The following RORB variants were observed in gnomAD, a reference collection of about 807,000 sequenced individuals.
RORB encodes RAR related orphan receptor B.
In RORB, 6 loss-of-function variants were observed where a neutral mutation model predicts 59.1. The ratio of observed to expected loss-of-function variants is 0.10; its 90% CI spans 0.06 to 0.20. RORB has a LOEUF of 0.20. Among genes scored for constraint, RORB ranks in the 10% least tolerant of loss-of-function variants. The pLI is 1.00. For synonymous variants in RORB, 215 were observed against 204.5 expected, an observed-to-expected ratio of 1.05 and a Z score of -0.44; for missense variants, 320 against 560.5, an observed-to-expected ratio of 0.57 and a Z score of 4.33.
At chr9:74,550,976 G>T (rs1037300046) in intron 1 of RORB, among the ~76,000 whole-genome samples, 7 of 151,804 alleles carry the variant, frequency 4.6e-5, no homozygotes, top group Admixed American at 2.6e-4. Flanking sequence ...AGATATATTG[G>T]ATTAACTAAA....
chr9:74,687,227 G>A lies in RORB; in HGVS notation c.*1609G>A, dbSNP rs1002132208. The A allele has an allele frequency of 2.6e-5, 4 of 151,938 alleles. No homozygotes were observed. The allele number at this position is 151,938 out of a possible 1,614,324, so 9.4% of individuals were successfully genotyped here. The stretch of plus-strand genomic sequence containing the variant: ...GAGAGAAGTTTGTGTATAAGACAAT[G>A]AAAATTATGGTCTCCTGTAAGTATA... On this transcript the variant is annotated 3_prime_UTR_variant, in exon 10 of 10. Coordinates refer to ENST00000376896, the MANE Select transcript of RORB (RefSeq NM_006914.4).
rs1273227119 is a variant in RORB at position 74,660,605 on chromosome 9, C to G, written c.638-12C>G. The stretch of plus-strand genomic sequence containing the variant: ...TATTCACAAACCTTTGAATTGATAT[C>G]TTTTCTCACAGACCGAATTGCACAG... On this transcript the variant is annotated splice_polypyrimidine_tract_variant and intron_variant, in intron 4 of 9. Coordinates refer to ENST00000376896, the MANE Select transcript of RORB (RefSeq NM_006914.4). The G allele has an allele frequency of 3.1e-6, 5 of 1,602,374 alleles. No homozygotes were observed. Among genetic ancestry groups the G allele is most frequent in the Non-Finnish European group, 4.3e-6 (5 of 1,175,876 alleles).
chr9:74,576,154 T>A (rs776457635), intron 1 of RORB, among the ~76,000 whole-genome samples: 2 of 152,138 alleles, frequency 1.3e-5, no homozygotes, highest in Non-Finnish European at 2.9e-5. Context: ...TCTTTAATTA[T>A]AAAATACTTG....
intron 1 of RORB, among the ~76,000 whole-genome samples, chr9:74,562,366 T>C (rs1822408261): frequency 6.6e-6 from 1 of 152,248 alleles, no homozygotes; most frequent in Admixed American, 6.5e-5. Flanking sequence ...CAATCTTCTC[T>C]GTGTGTATGT....
At chr9:74,603,064 A>G (rs1670412663) in intron 1 of RORB, among the ~76,000 whole-genome samples, 1 of 152,204 alleles carries the variant, frequency 6.6e-6, no homozygotes, top group Non-Finnish European at 1.5e-5. Context: ...AATTGTAGGG[A>G]ATAAGAACTA....
intron 1 of RORB, among the ~76,000 whole-genome samples, chr9:74,593,466 T>TAAAAAAAAAAAAA: frequency 8.0e-6 from 1 of 124,818 alleles, no homozygotes; most frequent in Non-Finnish European, 1.7e-5. Context: ...AAACTCCATC[T>TAAAAAAAAAAAAA]AAAAAAAAAA....
intron 8 of RORB, among the ~76,000 whole-genome samples, chr9:74,669,217 G>C (rs952149890): frequency 6.6e-6 from 1 of 152,166 alleles, no homozygotes; most frequent in Non-Finnish European, 1.5e-5. Flanking sequence ...GGTGGCTCAC[G>C]CCTGTAATCC....
intron 1 of RORB, among the ~76,000 whole-genome samples, chr9:74,555,601 ACT>A (rs1425944089): frequency 6.6e-6 from 1 of 152,180 alleles, no homozygotes; most frequent in Non-Finnish European, 1.5e-5. Flanking sequence ...GGTTTATTTA[ACT>A]CTGAGTTTTC....
chr9:74,630,802 C>T (rs111775430), intron 2 of RORB, among the ~76,000 whole-genome samples: 22 of 146,798 alleles, frequency 1.5e-4, no homozygotes, highest in African/African-American at 5.2e-4. Flanking sequence ...ATGCATATGG[C>T]CATCCTTTAT....
chr9:74,598,819 T>C (rs1350135830), intron 1 of RORB, among the ~76,000 whole-genome samples: 1 of 152,328 alleles, frequency 6.6e-6, no homozygotes, highest in East Asian at 1.9e-4. Flanking sequence ...CTCTGCAGGC[T>C]AGGAAATTCA....
At chr9:74,555,537 ACT>A (rs1822274099) in intron 1 of RORB, among the ~76,000 whole-genome samples, 1 of 152,232 alleles carries the variant, frequency 6.6e-6, no homozygotes. Flanking sequence ...TTCAGCAAAG[ACT>A]CAAAGTCACA....
intron 2 of RORB, among the ~76,000 whole-genome samples, chr9:74,630,826 G>GA (rs200022746): frequency 1.0e-4 from 8 of 78,646 alleles, no homozygotes; most frequent in Admixed American, 2.7e-4. Context: ...CAAGTTACAG[G>GA]AAAAAAAAAG....
chr9:74,647,264 GT>G (rs1823915594), intron 4 of RORB, among the ~76,000 whole-genome samples: 1 of 152,166 alleles, frequency 6.6e-6, no homozygotes, highest in Non-Finnish European at 1.5e-5. Flanking sequence ...GAAAAGGAAA[GT>G]AGAACATCTT....
intron 1 of RORB, among the ~76,000 whole-genome samples, chr9:74,591,004 C>G (rs1219673246): frequency 6.6e-6 from 1 of 152,114 alleles, no homozygotes. Context: ...ACCATGTTAA[C>G]CAGGATAGTC....
At position 74,689,746 on chromosome 9, in the gene RORB, T is replaced by G. The variant is rs1251822248; in HGVS notation, c.*4128T>G. The G allele has an allele frequency of 6.6e-6, 1 of 152,188 alleles. No individual in the cohort carries two copies. Among genetic ancestry groups the G allele is most frequent in the African/African-American group, 2.4e-5 (1 of 41,438 alleles). The allele number at this position is 152,188 out of a possible 1,614,324, so 9.4% of individuals were successfully genotyped here. A position where few individuals can be genotyped will look rare whatever the true frequency, so the allele number is the denominator to read the frequency against. The stretch of plus-strand genomic sequence containing the variant: ...ACCATGAAGATCAACTCATGCTCAC[T>G]CTCTACAATGCAATGTGTACGAGGC... On this transcript the variant is annotated 3_prime_UTR_variant, in exon 10 of 10. Coordinates refer to ENST00000376896, the MANE Select transcript of RORB (RefSeq NM_006914.4).
intron 3 of RORB, among the ~76,000 whole-genome samples, chr9:74,639,519 A>T (rs1823759783): frequency 6.6e-6 from 1 of 152,224 alleles, no homozygotes; most frequent in Admixed American, 6.5e-5. Context: ...GTTTTAAAAA[A>T]AAAAAACACA....
chr9:74,612,778 G>A (rs537523761), intron 1 of RORB, among the ~76,000 whole-genome samples: 1 of 152,080 alleles, frequency 6.6e-6, no homozygotes, highest in East Asian at 1.9e-4. Context: ...TAGTTCACAG[G>A]GAACAATTCT....
Position 74,690,424 on chromosome 9 carries a change from T to G in RORB, c.*4806T>G, listed in dbSNP as rs1824722392. 1 of 152,158 alleles carries G rather than the reference T, an allele frequency of 6.6e-6. No homozygotes were observed. The highest frequency in any genetic ancestry group is 1.9e-4 in the East Asian group (1 of 5,188). The allele number at this position is 152,158 out of a possible 1,614,324, so 9.4% of individuals were successfully genotyped here. A position where few individuals can be genotyped will look rare whatever the true frequency, so the allele number is the denominator to read the frequency against. ...GAAATGCCCTGTGGAAAAAGGGACATCCACGATTTACCTGAAACTGAATGC... is the reference window on the plus strand; with the variant it reads ...GAAATGCCCTGTGGAAAAAGGGACAGCCACGATTTACCTGAAACTGAATGC... On this transcript the variant is annotated 3_prime_UTR_variant, in exon 10 of 10. Coordinates refer to ENST00000376896, the MANE Select transcript of RORB (RefSeq NM_006914.4).
chr9:74,623,225 G>C (rs1419677790), intron 1 of RORB, among the ~76,000 whole-genome samples: 1 of 152,160 alleles, frequency 6.6e-6, no homozygotes, highest in Admixed American at 6.5e-5. Context: ...GAGCAAGCTA[G>C]TAGCCACAAC....
Sources: allele counts gnomAD v4.1 joint callset (sites outside exome capture counted in the v4.1 genomes callset), GRCh38; gene constraint gnomAD v4.1.1; transcripts MANE v1.5; gene names NCBI Gene and HGNC (gene_info 2026-07-23, HGNC 2026-07-21).